KLHDC3: variants seen among roughly 807,000 people sequenced by gnomAD.
KLHDC3 encodes kelch domain-containing protein 3.
A neutral mutation model predicts 44.1 loss-of-function variants in KLHDC3; 5 were observed. The ratio of observed to expected loss-of-function variants is 0.11; its 90% CI spans 0.06 to 0.24. KLHDC3 has a LOEUF of 0.24. KLHDC3 is among the 10% of genes least tolerant of loss of function. The pLI, the probability that KLHDC3 is intolerant of heterozygous loss-of-function variation, is 1.00. For synonymous variants in KLHDC3, 170 were observed against 189.0 expected (o/e 0.90, Z 0.82); for missense variants, 247 against 514.3 (o/e 0.48, Z 5.03).
At chr6:43,019,472 C>G (rs1258578583) in intron 10 of KLHDC3, 106 bp downstream of exon 10, 3 of 760,646 alleles carry the variant, frequency 3.9e-6, no homozygotes, top group Non-Finnish European at 7.0e-6. Context: ...CATTTTTGTT[C>G]TGCTGGAGAT....
In KLHDC3 at chr6:43,014,257, C is replaced by T. The variant is rs906951096; in HGVS notation, c.-151C>T. The T allele has an allele frequency of 4.1e-6, 4 of 964,980 alleles. No individual in the cohort carries two copies. Among genetic ancestry groups the T allele is most frequent in the South Asian group, 1.8e-5 (1 of 56,058 alleles). 59.8% of individuals were successfully genotyped at this position (964,980 alleles called of 1,614,324 possible). ...GAACCGAGCTTGGCTGTGTTTATCT[C>T]GTTGGGGACTAAGGCGTCGGTTGGC... is the stretch of plus-strand genomic sequence containing the variant. On this transcript the variant is annotated 5_prime_UTR_variant, in exon 1 of 11. Coordinates refer to ENST00000326974, the MANE Select transcript of KLHDC3 (RefSeq NM_057161.4).
chr6:43,017,005 C>G lies in KLHDC3; in HGVS notation c.-59-129C>G, dbSNP rs1762594493. ...CAGCCACCTGAGCTGAGACTAGTGC[C>G]CCTGTGGAGGGGTAGTGTGGGAGGG... On this transcript the variant is annotated intron_variant, in intron 1 of 10. Transcript: ENST00000326974. This position sits in a 1 kb window ranked among gnomAD's most constrained non-coding sequence, Gnocchi z 6.0. 1.5e-6 allele frequency: 1 copy of G among 671,280 alleles called. No individual in the cohort carries two copies. Among genetic ancestry groups the G allele is most frequent in the African/African-American group, 1.8e-5 (1 of 55,884 alleles). 41.6% of individuals were successfully genotyped at this position (671,280 alleles called of 1,614,324 possible).
Position 43,017,144 on chromosome 6 carries a change from C to A in KLHDC3, c.-49C>A, listed in dbSNP as rs755716760. On this transcript the variant is annotated 5_prime_UTR_variant, in exon 2 of 11. Transcript: ENST00000326974. This position sits in a 1 kb window ranked among gnomAD's most constrained non-coding sequence, Gnocchi z 6.0. ...CCAATTTGTGTGCAGATAGCAGAGG[C>A]AGCAGGCCGTGCCGGGGGGGCATGT... 24 of 1,584,496 alleles carry A rather than the reference C, an allele frequency of 1.5e-5. No individual in the cohort carries two copies.
In KLHDC3 at chr6:43,017,142, G is replaced by A. The variant is rs750299384; in HGVS notation, c.-51G>A. On this transcript the variant is annotated 5_prime_UTR_variant, in exon 2 of 11. Transcript: ENST00000326974. The surrounding 1 kb of genome is among the most constrained non-coding windows in gnomAD (Gnocchi z 6.0). ...CCCCAATTTGTGTGCAGATAGCAGA[G>A]GCAGCAGGCCGTGCCGGGGGGGCAT... The A allele has an allele frequency of 6.3e-6, 10 of 1,582,902 alleles. No homozygotes were observed. The South Asian group carries it at 6.8e-5, about 11-fold the overall frequency.
At position 43,020,731 on chromosome 6, in the gene KLHDC3, T is replaced by TA; in HGVS notation, c.1148dup (p.Ter383=). 6.2e-7 allele frequency: 1 copy of TA among 1,611,702 alleles called. No homozygotes were observed. Residue 383 remains the stop codon, a frameshift_variant and stop_retained_variant, in exon 11 of 11, where the codon TAG becomes TAAG. Transcript: ENST00000326974. LOFTEE classifies it high-confidence loss of function. The part of the protein sequence containing the change: ...ISRPIVSSHG[*] ...TCGCCCCATCGTCTCCTCCCATGGGTAGGAGGAAGTTTCTGCCACCTCCCC... is the reference window on the plus strand; with the variant it reads ...TCGCCCCATCGTCTCCTCCCATGGGTAAGGAGGAAGTTTCTGCCACCTCCCC...
rs918556108 is a variant in KLHDC3 at position 43,021,123 on chromosome 6, C to G, written c.*390C>G. On this transcript the variant is annotated 3_prime_UTR_variant, in exon 11 of 11. Coordinates refer to ENST00000326974, the MANE Select transcript of KLHDC3 (RefSeq NM_057161.4). ...CCTATCCCCTCCCCTCTGCTTGAGC[C>G]TTGAGCCTTGACTGGGAGCTGAAAG... 11 of 472,080 alleles carry G rather than the reference C, an allele frequency of 2.3e-5. No individual in the cohort carries two copies. Among genetic ancestry groups the G allele is most frequent in the Admixed American group, 1.6e-4 (7 of 42,924 alleles). 29.2% of individuals were successfully genotyped at this position (472,080 alleles called of 1,614,324 possible). A position where few individuals can be genotyped will look rare whatever the true frequency, so the allele number is the denominator to read the frequency against.
At chr6:43,014,411 C>G in intron 1 of KLHDC3, 63 bp downstream of exon 1, 1 of 433,192 alleles carries the variant, frequency 2.3e-6, no homozygotes, top group Non-Finnish European at 4.4e-6. Flanking sequence ...CTGTCTGGAG[C>G]TGGAGTGGCG....
Position 43,018,227 on chromosome 6 carries a change from T to C in KLHDC3, c.519+11T>C, listed in dbSNP as rs1210313263. ...CTTATCTGTACAAAGGTCTGCTCTT[T>C]CTTTTTTTTCCCAAATCCCCACCCT... On this transcript the variant is annotated intron_variant, in intron 5 of 10. Coordinates refer to ENST00000326974, the MANE Select transcript of KLHDC3 (RefSeq NM_057161.4). The surrounding 1 kb of genome is among the most constrained non-coding windows in gnomAD (Gnocchi z 6.0). 34 of 1,602,032 alleles carry C rather than the reference T, an allele frequency of 2.1e-5. No individual in the cohort carries two copies. Among genetic ancestry groups the C allele is most frequent in the Non-Finnish European group, 2.7e-5 (32 of 1,169,388 alleles).
intron 10 of KLHDC3, 80 bp downstream of exon 10, chr6:43,019,446 G>A: frequency 3.2e-6 from 3 of 923,202 alleles, no homozygotes; most frequent in Non-Finnish European, 5.4e-6. Context: ...CTTGGTTTCA[G>A]TATGGAGGAG....
Position 43,018,331 on chromosome 6 carries a change from G to T in KLHDC3, c.520-12G>T. 6.2e-7 allele frequency: 1 copy of T among 1,611,734 alleles called. No individual in the cohort carries two copies. Among genetic ancestry groups the T allele is most frequent in the Non-Finnish European group, 8.5e-7 (1 of 1,178,718 alleles). On this transcript the variant is annotated splice_polypyrimidine_tract_variant and intron_variant, in intron 5 of 10. Coordinates refer to ENST00000326974, the MANE Select transcript of KLHDC3 (RefSeq NM_057161.4). This position sits in a 1 kb window ranked among gnomAD's most constrained non-coding sequence, Gnocchi z 6.0. ...GTGCTGACCCCTCCACCATCTCTCT[G>T]CCTCTGCCCAGGGCAGCCCTGCACG...
rs1306397292 is a variant in KLHDC3, at chr6:43,017,447, C to G, written c.155-72C>G. The G allele has an allele frequency of 6.4e-7, 1 of 1,562,044 alleles. No homozygotes were observed. Among genetic ancestry groups the G allele is most frequent in the African/African-American group, 1.4e-5 (1 of 73,934 alleles). On this transcript the variant is annotated intron_variant, in intron 2 of 10. Coordinates refer to ENST00000326974, the MANE Select transcript of KLHDC3 (RefSeq NM_057161.4). The surrounding 1 kb of genome is among the most constrained non-coding windows in gnomAD (Gnocchi z 6.0). ...TCTCTGGGACCAAGGGGATTGGGGA[C>G]AAACATCTGGTTTGGGAAAAGTGGA... is the stretch of plus-strand genomic sequence containing the variant.
chr6:43,017,886 G>T lies in KLHDC3; in HGVS notation c.365G>T (p.Gly122Val). 1.2e-6 allele frequency: 2 copies of T among 1,614,052 alleles called. No homozygotes were observed. The highest frequency in any genetic ancestry group is 1.7e-6 in the Non-Finnish European group (2 of 1,180,006). ...AAGTGGTTCACACCCCGAGTGTCAG[G>T]GACAGTTCCTGGGGCCCGGGATGGA... ...THKWFTPRVS[G>V]TVPGARDGHS... Residue 122 changes from glycine to valine, a missense_variant, in exon 4 of 11, where the codon GGG (glycine) becomes GTG (valine). Around this residue, in one of 2 missense-constraint regions of KLHDC3, gnomAD observed 176 missense variants for 413.5 expected, o/e 0.43. Transcript: ENST00000326974. The surrounding 1 kb of genome is among the most constrained non-coding windows in gnomAD (Gnocchi z 6.0).
chr6:43,018,327 C>G lies in KLHDC3; in HGVS notation c.520-16C>G, dbSNP rs1196789628. 1.9e-6 allele frequency: 3 copies of G among 1,611,326 alleles called. No homozygotes were observed. Among genetic ancestry groups the G allele is most frequent in the Non-Finnish European group, 2.5e-6 (3 of 1,178,202 alleles). On this transcript the variant is annotated splice_polypyrimidine_tract_variant and intron_variant, in intron 5 of 10. Transcript: ENST00000326974. The surrounding 1 kb of genome is among the most constrained non-coding windows in gnomAD (Gnocchi z 6.0). ...CTTTGTGCTGACCCCTCCACCATCT[C>G]TCTGCCTCTGCCCAGGGCAGCCCTG... is the stretch of plus-strand genomic sequence containing the variant.
chr6:43,019,121 A>G lies in KLHDC3; in HGVS notation c.959A>G (p.Glu320Gly). ...TCTCCTGAGGAAGGCCTGGGAGATG[A>G]ATTTGACCTTATAGATCATTCTGAC... ...SPSPEEGLGD[E>G]FDLIDHSDLH... The change falls in exon 9 of 11, where the codon GAA (glutamate) becomes GGA (glycine). Residue 320 changes from glutamate (E) to glycine (G), a missense_variant. Transcript: ENST00000326974. 6.2e-7 allele frequency: 1 copy of G among 1,613,634 alleles called. No individual in the cohort carries two copies. The highest frequency in any genetic ancestry group is 8.5e-7 in the Non-Finnish European group (1 of 1,179,526).
rs1391901817 is a variant in KLHDC3, at chr6:43,018,974, T to C, written c.929+3T>C. 2 of 1,605,628 alleles carry C rather than the reference T, an allele frequency of 1.2e-6. No homozygotes were observed. The highest frequency in any genetic ancestry group is 1.7e-6 in the Non-Finnish European group (2 of 1,174,260). ...ATTGTCCTCTTTGGGGGTACCAGGT[T>C]AGAAGGAGAGAGGGAAGGGGCTCAG... On this transcript the variant is annotated splice_donor_region_variant and intron_variant, in intron 8 of 10. Transcript: ENST00000326974. The surrounding 1 kb of genome is among the most constrained non-coding windows in gnomAD (Gnocchi z 6.0).
At position 43,018,737 on chromosome 6, in the gene KLHDC3, T is replaced by G. The variant is rs1403550918; in HGVS notation, c.820+18T>G. Reference sequence around the variant, plus strand: ...TAATCCTGGTAAAGAGCACTGCATTTAGGGCAGGAACAAGGAGCAATTGAG... The same window carrying G: ...TAATCCTGGTAAAGAGCACTGCATTGAGGGCAGGAACAAGGAGCAATTGAG... On this transcript the variant is annotated intron_variant, in intron 7 of 10. Transcript: ENST00000326974. The surrounding 1 kb of genome is among the most constrained non-coding windows in gnomAD (Gnocchi z 6.0). The G allele has an allele frequency of 1.2e-6, 2 of 1,608,470 alleles. No individual in the cohort carries two copies. Among genetic ancestry groups the G allele is most frequent in the South Asian group, 2.2e-5 (2 of 90,974 alleles).
intron 1 of KLHDC3, among the ~76,000 whole-genome samples, chr6:43,015,185 C>G (rs531481043): frequency 6.6e-5 from 10 of 152,168 alleles, no homozygotes; most frequent in Admixed American, 5.2e-4. Flanking sequence ...AGCCCAGACC[C>G]AAGATATTTT....
intron 1 of KLHDC3, chr6:43,014,677 A>G: frequency 2.2e-6 from 1 of 455,274 alleles, no homozygotes; most frequent in Non-Finnish European, 4.4e-6. Context: ...CTGGAAGAAG[A>G]CAGGGATAGA....
intron 1 of KLHDC3, among the ~76,000 whole-genome samples, chr6:43,015,789 G>A (rs1217921601): frequency 6.9e-6 from 1 of 144,456 alleles, no homozygotes; most frequent in African/African-American, 2.6e-5. Context: ...GGGAGGCAGA[G>A]TTTGCAGTGA....
Sources: gnomAD v4.1 joint callset for allele counts (sites outside exome capture counted in the v4.1 genomes callset) on GRCh38, gnomAD v4.1.1 for gene constraint, gnomAD v4.1.1 regional missense constraint, Gnocchi (gnomAD v3.1) non-coding constraint, MANE v1.5 for transcripts, NCBI Gene and HGNC (gene_info 2026-07-23, HGNC 2026-07-21) for gene names.